The following PARN variants were observed in gnomAD, a reference collection of about 807,000 sequenced individuals.
PARN encodes the protein poly(A)-specific ribonuclease.
PARN carries 71 observed loss-of-function variants against 102.8 expected under a neutral mutation model. The ratio of observed to expected loss-of-function variants is 0.69; its 90% CI spans 0.57 to 0.84. PARN has a LOEUF of 0.84. PARN is among the 40% of genes least tolerant of loss of function. PARN has a pLI of 0.00. For synonymous variants in PARN, 261 were observed against 252.9 expected (o/e 1.03, Z -0.30); for missense variants, 782 against 760.9 (o/e 1.03, Z -0.33).
chr16:14,581,565 G>A (rs1596740548), intron 17 of PARN, among the ~76,000 whole-genome samples: 1 of 152,114 alleles, frequency 6.6e-6, no homozygotes, highest in Non-Finnish European at 1.5e-5. Context: ...CAGTACGATG[G>A]TATTTGGAAG....
chr16:14,574,030 C>G (rs187292489), intron 18 of PARN, among the ~76,000 whole-genome samples: 1 of 152,284 alleles, frequency 6.6e-6, no homozygotes, highest in East Asian at 1.9e-4. Context: ...GAGGCCGGAA[C>G]AGTTTGGAGG....
At chr16:14,599,521 C>T (rs1004041748) in intron 12 of PARN, among the ~76,000 whole-genome samples, 1 of 152,172 alleles carries the variant, frequency 6.6e-6, no homozygotes, top group African/African-American at 2.4e-5. Context: ...TTTTTACCCT[C>T]TAGATTCTTC....
chr16:14,451,618 T>C (rs190794678), intron 22 of PARN, among the ~76,000 whole-genome samples: 7 of 151,054 alleles, frequency 4.6e-5, no homozygotes, highest in Non-Finnish European at 8.9e-5. Context: ...GAATGGTGGG[T>C]ATGGGAGGGT....
At chr16:14,574,375 T>A (rs1317878762) in intron 18 of PARN, among the ~76,000 whole-genome samples, 1 of 152,058 alleles carries the variant, frequency 6.6e-6, no homozygotes, top group Non-Finnish European at 1.5e-5. Context: ...ATGAGGGAAG[T>A]AGAGCACAAA....
chr16:14,533,216 C>T (rs1440873490), intron 21 of PARN, among the ~76,000 whole-genome samples: 2 of 152,090 alleles, frequency 1.3e-5, no homozygotes, highest in Non-Finnish European at 2.9e-5. Context: ...CCAGCCCGGC[C>T]AACACAGCGA....
intron 11 of PARN, among the ~76,000 whole-genome samples, chr16:14,600,891 ACCATTGCAC>A (rs1427822870): frequency 6.6e-6 from 1 of 152,074 alleles, no homozygotes; most frequent in Non-Finnish European, 1.5e-5. Context: ...CCAAGATCGC[ACCATTGCAC>A]TCCAGCCTGG....
chr16:14,460,150 T>C (rs1002750113), intron 22 of PARN, among the ~76,000 whole-genome samples: 3 of 152,176 alleles, frequency 2.0e-5, no homozygotes, highest in African/African-American at 7.2e-5. Context: ...ATATTAATTA[T>C]AAAGCCAATT....
chr16:14,551,488 G>A (rs1018515471), intron 21 of PARN, among the ~76,000 whole-genome samples: 2 of 152,014 alleles, frequency 1.3e-5, no homozygotes, highest in African/African-American at 4.8e-5. Context: ...AGAAGTGCTT[G>A]AACCCGAGAA....
chr16:14,573,213 T>C (rs1968913800), intron 18 of PARN, among the ~76,000 whole-genome samples: 1 of 152,208 alleles, frequency 6.6e-6, no homozygotes, highest in Non-Finnish European at 1.5e-5. Flanking sequence ...CAACTAAAAA[T>C]TGTATATATT....
intron 23 of PARN, among the ~76,000 whole-genome samples, chr16:14,442,542 A>T (rs1306947855): frequency 1.3e-5 from 2 of 152,198 alleles, no homozygotes; most frequent in African/African-American, 4.8e-5. Flanking sequence ...TACATAGTAT[A>T]CACATAAACT....
At chr16:14,545,700 C>A (rs17260360) in intron 21 of PARN, among the ~76,000 whole-genome samples, 4,191 of 152,172 alleles carry the variant, frequency 0.028, 78 homozygotes, top group Non-Finnish European at 0.04. Context: ...TGTAAGCTGC[C>A]GGAATGTTGA....
chr16:14,454,940 GAATA>G (rs1297485607), intron 22 of PARN, among the ~76,000 whole-genome samples: 2 of 152,098 alleles, frequency 1.3e-5, no homozygotes, highest in Non-Finnish European at 2.9e-5. Context: ...TATTATGAAT[GAATA>G]CACTGTGAGA....
chr16:14,487,894 T>G (rs1219497084), intron 21 of PARN, among the ~76,000 whole-genome samples: 1 of 152,178 alleles, frequency 6.6e-6, no homozygotes, highest in Non-Finnish European at 1.5e-5. Flanking sequence ...ATACATCAAT[T>G]AAACCTCAGT....
rs537313730 is a variant in PARN, at chr16:14,490,157, C to CAAAT, written c.1481-7334_1481-7331dup. Among the ~76,000 whole-genome samples, 655 of 152,078 alleles carry CAAAT rather than the reference C, an allele frequency of 4.3e-3. 4 individuals carry two copies. The highest frequency in any genetic ancestry group is 0.013 in the African/African-American group (557 of 41,470). On this transcript the variant is annotated intron_variant, in intron 21 of 23. Coordinates refer to ENST00000437198, the MANE Select transcript of PARN (RefSeq NM_002582.4). ...AAGTTGACAAAGTGAGACCCTGTCT[C>CAAAT]AAATAAATAAATAAATAAATAAAAA...
At chr16:14,554,487 G>A (rs1967536575) in intron 19 of PARN, among the ~76,000 whole-genome samples, 1 of 150,854 alleles carries the variant, frequency 6.6e-6, no homozygotes, top group Non-Finnish European at 1.5e-5. Flanking sequence ...CTAGAGTACA[G>A]TGGCACAATA....
At chr16:14,482,132 C>T (rs1963415967) in intron 22 of PARN, among the ~76,000 whole-genome samples, 1 of 152,226 alleles carries the variant, frequency 6.6e-6, no homozygotes, top group Non-Finnish European at 1.5e-5. Context: ...CACAGTGGTT[C>T]ACACCTGTAA....
intron 15 of PARN, 69 bp downstream of exon 15, chr16:14,584,680 T>C (rs1969736182): frequency 1.8e-6 from 2 of 1,093,380 alleles, no homozygotes; most frequent in East Asian, 2.4e-5. Context: ...GCCAGAAGGC[T>C]ATATTGTTCT....
intron 22 of PARN, among the ~76,000 whole-genome samples, chr16:14,450,882 G>T (rs749288068): frequency 2.0e-5 from 3 of 151,956 alleles, no homozygotes; most frequent in African/African-American, 4.8e-5. Flanking sequence ...AATTTATTAG[G>T]GGGCAGTAAT....
intron 8 of PARN, among the ~76,000 whole-genome samples, 160 bp from the exon 9 acceptor site, chr16:14,608,479 T>C (rs1971327809): frequency 6.6e-6 from 1 of 152,158 alleles, no homozygotes; most frequent in African/African-American, 2.4e-5. Context: ...GGTGGGGGGA[T>C]TTCCTCATCA....
Sources: allele counts gnomAD v4.1 joint callset (sites outside exome capture counted in the v4.1 genomes callset), GRCh38; gene constraint gnomAD v4.1.1; transcripts MANE v1.5; gene names NCBI Gene and HGNC (gene_info 2026-07-23, HGNC 2026-07-21).